The following METRNL variants were observed in gnomAD, a reference collection of about 807,000 sequenced individuals.
The protein encoded by METRNL is meteorin-like protein.
In METRNL, 9 loss-of-function variants were observed where a neutral mutation model predicts 17.4. That is an observed-to-expected ratio of 0.52 (90% confidence interval 0.31 to 0.90). The LOEUF (loss-of-function observed/expected upper bound fraction) is 0.90, where lower values mean the gene tolerates loss of function less well. METRNL is among the 40% of genes least tolerant of loss of function. The pLI, the probability that METRNL is intolerant of heterozygous loss-of-function variation, is 0.05. For synonymous variants in METRNL, 215 were observed against 199.3 expected (o/e 1.08, Z -0.66); for missense variants, 408 against 430.7 (o/e 0.95, Z 0.47).
In METRNL at chr17:83,085,178, G is replaced by T. The variant is rs749963454; in HGVS notation, c.411G>T (p.Arg137Ser). Residue 137 changes from arginine to serine, a missense_variant, in exon 2 of 4, where the codon AGG becomes AGT. Physicochemically the swap from Arg to Ser is moderately radical, Grantham distance 110. Coordinates refer to ENST00000320095, the MANE Select transcript of METRNL (RefSeq NM_001004431.3). ...LRLLVPDGDG[R>S]PGRVQCFGLE... ...TGCTGGTACCAGACGGGGACGGCAG[G>T]CCCGGCCGGGTGCAGTGTTTTGGCC... The T allele has an allele frequency of 2.5e-6, 4 of 1,611,790 alleles. No individual in the cohort carries two copies. The East Asian group carries it at 6.7e-5, about 27-fold the overall frequency.
At chr17:83,083,945 T>A (rs1370302721) in intron 1 of METRNL, 2 of 152,238 alleles carry the variant, frequency 1.3e-5, no homozygotes, top group Admixed American at 6.5e-5. Context: ...GACGTGGCTG[T>A]TAGCCACGAG....
At position 83,086,370 on chromosome 17, in the gene METRNL, C is replaced by G. The variant is rs78622409; in HGVS notation, c.556+1047C>G. Among the ~76,000 whole-genome samples, 67 of 152,340 alleles carry G rather than the reference C, an allele frequency of 4.4e-4. 2 individuals are homozygous for G. The East Asian group carries it at 5.8e-3, about 13-fold the overall frequency. ...CATGAGCTCAGACTGCCCCTTGGGCCTCAGCACCCGCAGGGCTGGACGCTG... is the reference window on the plus strand; with the variant it reads ...CATGAGCTCAGACTGCCCCTTGGGCGTCAGCACCCGCAGGGCTGGACGCTG... On this transcript the variant is annotated intron_variant, in intron 2 of 3. Coordinates refer to ENST00000320095, the MANE Select transcript of METRNL (RefSeq NM_001004431.3).
At chr17:83,083,497 C>T (rs2038013705) in intron 1 of METRNL, among the ~76,000 whole-genome samples, 1 of 152,208 alleles carries the variant, frequency 6.6e-6, no homozygotes, top group Non-Finnish European at 1.5e-5. Context: ...CCACACAGCA[C>T]GATCATCGTG....
At chr17:83,081,481 A>T (rs2037987769) in intron 1 of METRNL, among the ~76,000 whole-genome samples, 1 of 152,088 alleles carries the variant, frequency 6.6e-6, no homozygotes, top group East Asian at 1.9e-4. Context: ...AGGGCGCGGT[A>T]GGCAGCCGAG....
At chr17:83,093,308 T>C (rs1278296371) in intron 3 of METRNL, 82 bp downstream of exon 3, 1 of 1,205,178 alleles carries the variant, frequency 8.3e-7, no homozygotes, top group African/African-American at 1.5e-5. Flanking sequence ...GAGTCCCTCT[T>C]CAGGGCCCAG....
At chr17:83,086,034 G>A (rs145135396) in intron 2 of METRNL, among the ~76,000 whole-genome samples, 39 of 152,264 alleles carry the variant, frequency 2.6e-4, no homozygotes, top group African/African-American at 8.9e-4. Context: ...GTCTCTGGAC[G>A]CCTGTGCTTG....
At chr17:83,094,102 G>A (rs549442259) in intron 3 of METRNL, 154 bp from the exon 4 acceptor site, 17 of 590,896 alleles carry the variant, frequency 2.9e-5, no homozygotes, top group African/African-American at 2.8e-4. Flanking sequence ...CTGTTACATT[G>A]TACTTTTCTC....
chr17:83,083,838 C>T (rs2038017377), intron 1 of METRNL, among the ~76,000 whole-genome samples: 1 of 152,232 alleles, frequency 6.6e-6, no homozygotes. Context: ...GCTTATTTCA[C>T]ATAAAAATCC....
chr17:83,093,041 G>T, intron 2 of METRNL, 126 bp from the exon 3 acceptor site: 3 of 713,976 alleles, frequency 4.2e-6, no homozygotes, highest in Admixed American at 2.2e-5. Flanking sequence ...GGTCACAAAG[G>T]TGCCTTGACG....
rs1053345966 is a variant in METRNL at position 83,086,907 on chromosome 17, C to T, written c.556+1584C>T. ...CTTTGGGAACAGAGACTTTGTCTCTCCTGCCTCTGGGGGTGGGGTCCGAGG... is the reference window on the plus strand; with the variant it reads ...CTTTGGGAACAGAGACTTTGTCTCTTCTGCCTCTGGGGGTGGGGTCCGAGG... On this transcript the variant is annotated intron_variant, in intron 2 of 3. Transcript: ENST00000320095. 2.0e-5 allele frequency among the ~76,000 whole-genome samples: 3 copies of T among 152,256 alleles called. 1 individual carries two copies. Among genetic ancestry groups the T allele is most frequent in the African/African-American group, 4.8e-5 (2 of 41,540 alleles).
In METRNL at chr17:83,079,847, G is replaced by T. The variant is rs1189584564; in HGVS notation, c.32G>T (p.Arg11Leu). The T allele has an allele frequency of 7.2e-6, 7 of 973,400 alleles. No homozygotes were observed. In the African/African-American group the frequency reaches 1.3e-4, roughly 17 times the overall value. The allele number at this position is 973,400 out of a possible 1,614,324, so 60.3% of individuals were successfully genotyped here. Reference protein sequence around the residue: MRGAARAAWGRAGQPWPRPPA... With the variant: MRGAARAAWGLAGQPWPRPPA... ...GGCGCGGCGCGGGCGGCCTGGGGGC[G>T]CGCGGGGCAGCCGTGGCCGCGACCC... Residue 11 changes from arginine (R) to leucine (L), a missense_variant, in exon 1 of 4, where the codon CGC (arginine) becomes CTC (leucine). Transcript: ENST00000320095.
intron 1 of METRNL, chr17:83,084,008 T>G (rs1232123367): frequency 1.3e-5 from 2 of 152,246 alleles, no homozygotes; most frequent in Non-Finnish European, 2.9e-5. Context: ...TGTTTCAGTT[T>G]CTTGAAAATA....
chr17:83,089,455 C>G (rs1319494425), intron 2 of METRNL, among the ~76,000 whole-genome samples: 1 of 152,152 alleles, frequency 6.6e-6, no homozygotes, highest in Admixed American at 6.5e-5. Context: ...CTCCTCGGAA[C>G]CAGCCGGTCC....
rs867912224 is a variant in METRNL at position 83,094,713 on chromosome 17, C to T, written c.*138C>T. The T allele has an allele frequency of 3.2e-5, 19 of 597,920 alleles. No individual in the cohort carries two copies. The South Asian group carries it at 1.5e-3, about 47-fold the overall frequency. 37.0% of individuals were successfully genotyped at this position (597,920 alleles called of 1,614,324 possible). On this transcript the variant is annotated 3_prime_UTR_variant, in exon 4 of 4. Coordinates refer to ENST00000320095, the MANE Select transcript of METRNL (RefSeq NM_001004431.3). ...CCCAGGCCTGACCCTGGTACCGAAG[C>T]TGTGGACGTTCTCGCCACACTCAAC...
At chr17:83,089,173 C>T (rs938784451) in intron 2 of METRNL, among the ~76,000 whole-genome samples, 1 of 152,092 alleles carries the variant, frequency 6.6e-6, no homozygotes, top group Non-Finnish European at 1.5e-5. Flanking sequence ...TTGAGGGGAG[C>T]CTTGGGAGCT....
Position 83,084,974 on chromosome 17 carries a change from G to C in METRNL, c.207G>C (p.Glu69Asp). ...ACGAGGCACACAGGAAGGAGGTGGAGCAGGTGTATCTGCGCTGTGCGGCGG... is the reference window on the plus strand; with the variant it reads ...ACGAGGCACACAGGAAGGAGGTGGACCAGGTGTATCTGCGCTGTGCGGCGG... ...LTHEAHRKEV[E>D]QVYLRCAAGA... Residue 69 changes from glutamate (E) to aspartate (D), a missense_variant, in exon 2 of 4, where the codon GAG (glutamate) becomes GAC (aspartate). Glu to Asp is a conservative substitution (Grantham distance 45). Transcript: ENST00000320095. 1 of 1,613,628 alleles carries C rather than the reference G, an allele frequency of 6.2e-7. No individual in the cohort carries two copies. Among genetic ancestry groups the C allele is most frequent in the South Asian group, 1.1e-5 (1 of 91,082 alleles).
chr17:83,084,720 C>CG, intron 1 of METRNL: 1 of 533,444 alleles, frequency 1.9e-6, no homozygotes. Context: ...GGTGCAGGTG[C>CG]ACTGGAAGGA....
intron 2 of METRNL, among the ~76,000 whole-genome samples, chr17:83,091,019 C>T (rs984094489): frequency 2.6e-5 from 4 of 152,074 alleles, no homozygotes; most frequent in Non-Finnish European, 4.4e-5. Context: ...GGAGAGCGCA[C>T]CGGGCGGCTT....
At chr17:83,086,113 T>C (rs1176016164) in intron 2 of METRNL, among the ~76,000 whole-genome samples, 1 of 152,194 alleles carries the variant, frequency 6.6e-6, no homozygotes, top group African/African-American at 2.4e-5. Flanking sequence ...CCAGGAGGCA[T>C]GAGGTCCTGG....
Sources: gnomAD v4.1 joint callset for allele counts (sites outside exome capture counted in the v4.1 genomes callset) on GRCh38, gnomAD v4.1.1 for gene constraint, MANE v1.5 for transcripts, NCBI Gene and HGNC (gene_info 2026-07-23, HGNC 2026-07-21) for gene names.